RBFOX1: variants seen among roughly 807,000 people sequenced by gnomAD.
RBFOX1 encodes the protein RNA binding fox-1 homolog 1.
A neutral mutation model predicts 57.7 loss-of-function variants in RBFOX1; 8 were observed. That is an observed-to-expected ratio of 0.14 (90% confidence interval 0.08 to 0.25). The LOEUF (loss-of-function observed/expected upper bound fraction) is 0.25, where lower values mean the gene tolerates loss of function less well. RBFOX1 is among the 10% of genes least tolerant of loss of function. The pLI is 1.00. For missense variants in RBFOX1, 611 were observed against 548.5 expected (o/e 1.11, Z -1.14); for synonymous variants, 326 against 222.4 (o/e 1.47, Z -4.15).
At chr16:6,677,625 T>C (rs2057959972) in intron 3 of RBFOX1, among the ~76,000 whole-genome samples, 1 of 152,210 alleles carries the variant, frequency 6.6e-6, no homozygotes, top group Non-Finnish European at 1.5e-5. Context: ...TAAAATCTCA[T>C]TAAAAGTATA....
intron 3 of RBFOX1, among the ~76,000 whole-genome samples, chr16:6,961,695 G>A (rs2083049812): frequency 1.3e-5 from 2 of 152,150 alleles, no homozygotes. Flanking sequence ...TCCTCTGGAG[G>A]TGAGGTTCCT....
chr16:5,936,492 G>A (rs1001100446), intron 4 of RBFOX1, among the ~76,000 whole-genome samples: 1 of 152,174 alleles, frequency 6.6e-6, no homozygotes, highest in East Asian at 1.9e-4. Flanking sequence ...TCCTGTGTGA[G>A]CCAAGTTAAT....
chr16:7,400,500 C>T (rs935861375), intron 4 of RBFOX1, among the ~76,000 whole-genome samples: 3 of 152,030 alleles, frequency 2.0e-5, no homozygotes, highest in African/African-American at 7.2e-5. Context: ...CTACCTTGGC[C>T]CACAGCTTTC....
chr16:5,723,575 G>A (rs145505858), intron 3 of RBFOX1, among the ~76,000 whole-genome samples: 2 of 152,054 alleles, frequency 1.3e-5, no homozygotes, highest in African/African-American at 2.4e-5. Flanking sequence ...TCAGCCCACA[G>A]GAAACTGTGG....
chr16:5,984,284 C>A (rs928279864), intron 4 of RBFOX1, among the ~76,000 whole-genome samples: 3 of 148,948 alleles, frequency 2.0e-5, no homozygotes, highest in African/African-American at 7.5e-5. Flanking sequence ...CCTAAATACA[C>A]GTTACCTCTC....
chr16:6,709,855 G>T (rs1265861125), intron 3 of RBFOX1, among the ~76,000 whole-genome samples: 4 of 152,172 alleles, frequency 2.6e-5, no homozygotes, highest in Non-Finnish European at 4.4e-5. Flanking sequence ...ACAACCGGAA[G>T]GTATGGGGAG....
chr16:6,464,114 T>C (rs941569716), intron 2 of RBFOX1, among the ~76,000 whole-genome samples: 6 of 152,206 alleles, frequency 3.9e-5, no homozygotes, highest in African/African-American at 1.4e-4. Flanking sequence ...CATCGAAATG[T>C]GGGCCACATT....
intron 3 of RBFOX1, among the ~76,000 whole-genome samples, chr16:5,663,447 C>T (rs550460361): frequency 2.0e-5 from 3 of 151,980 alleles, no homozygotes; most frequent in Non-Finnish European, 4.4e-5. Context: ...TCAAGCTATC[C>T]TCCCACTTCA....
intron 4 of RBFOX1, among the ~76,000 whole-genome samples, chr16:5,872,228 G>T (rs911069391): frequency 6.6e-6 from 1 of 152,180 alleles, no homozygotes. Flanking sequence ...CATTTAACAA[G>T]GGTCTGTTGA....
intron 2 of RBFOX1, among the ~76,000 whole-genome samples, chr16:6,541,748 A>G (rs2096822901): frequency 6.6e-6 from 1 of 152,140 alleles, no homozygotes; most frequent in Non-Finnish European, 1.5e-5. Flanking sequence ...GGCAGGAGCT[A>G]ATGATAGAGG....
chr16:7,144,212 AT>A (rs1319285528), intron 4 of RBFOX1, among the ~76,000 whole-genome samples: 7 of 152,130 alleles, frequency 4.6e-5, no homozygotes, highest in African/African-American at 1.7e-4. Flanking sequence ...CCTCTTAAAG[AT>A]TTCCTCATTT....
intron 2 of RBFOX1, among the ~76,000 whole-genome samples, chr16:6,319,406 C>T (rs1197238181): frequency 1.3e-5 from 2 of 152,090 alleles, no homozygotes; most frequent in Non-Finnish European, 2.9e-5. Flanking sequence ...CATTTACTGT[C>T]GTGTTGGTAG....
chr16:7,112,476 G>C (rs2064995626), intron 4 of RBFOX1, among the ~76,000 whole-genome samples: 2 of 151,636 alleles, frequency 1.3e-5, no homozygotes, highest in Non-Finnish European at 2.9e-5. Flanking sequence ...CAAAGATTTG[G>C]GATTACAGGC....
In RBFOX1 at chr16:7,577,635, C is replaced by T. The variant is rs143824390; in HGVS notation, c.271-2142C>T. Among the ~76,000 whole-genome samples, 627 of 152,358 alleles carry T rather than the reference C, an allele frequency of 4.1e-3. 1 individual carries two copies. Among genetic ancestry groups the T allele is most frequent in the Non-Finnish European group, 5.6e-3 (379 of 68,036 alleles). On this transcript the variant is annotated intron_variant, in intron 5 of 15. Coordinates refer to ENST00000550418, the MANE Select transcript of RBFOX1 (RefSeq NM_018723.4). ...ACCAGTCTCTGGGGATGGTGGCTCACGCCTGTAGTCCCAGTGCTTTGGGAG... is the reference window on the plus strand; with the variant it reads ...ACCAGTCTCTGGGGATGGTGGCTCATGCCTGTAGTCCCAGTGCTTTGGGAG...
chr16:5,895,071 T>G (rs2152159551), intron 4 of RBFOX1, among the ~76,000 whole-genome samples: 1 of 150,342 alleles, frequency 6.7e-6, no homozygotes, highest in African/African-American at 2.5e-5. Context: ...ACACAAGTAC[T>G]GAACTCTGAG....
chr16:6,672,120 C>T (rs906202399), intron 3 of RBFOX1, among the ~76,000 whole-genome samples: 1 of 152,172 alleles, frequency 6.6e-6, no homozygotes, highest in South Asian at 2.1e-4. Context: ...CCTAATTATA[C>T]TGGTATTGGA....
At chr16:7,516,196 A>C (rs2076317990) in intron 4 of RBFOX1, among the ~76,000 whole-genome samples, 1 of 152,132 alleles carries the variant, frequency 6.6e-6, no homozygotes, top group Admixed American at 6.6e-5. Context: ...ACAGCTGCCC[A>C]TCACCGTGGA....
intron 1 of RBFOX1, among the ~76,000 whole-genome samples, chr16:6,133,281 C>A (rs115329101): frequency 6.6e-6 from 1 of 152,178 alleles, no homozygotes. Flanking sequence ...GTGCTATCTT[C>A]CTCGCTTGCC....
intron 3 of RBFOX1, among the ~76,000 whole-genome samples, chr16:6,683,625 A>G (rs941829451): frequency 6.6e-6 from 1 of 152,194 alleles, no homozygotes; most frequent in Non-Finnish European, 1.5e-5. Context: ...GTGTTTGCAT[A>G]TCCAAACTGC....
Sources: allele counts gnomAD v4.1 joint callset (sites outside exome capture counted in the v4.1 genomes callset), GRCh38; gene constraint gnomAD v4.1.1; transcripts MANE v1.5; gene names NCBI Gene and HGNC (gene_info 2026-07-23, HGNC 2026-07-21).